Variants in MYO5A observed in about 807,000 individuals in gnomAD.
MYO5A encodes unconventional myosin-Va.
Under a neutral mutation model 249.7 loss-of-function variants are expected in MYO5A, and 98 were observed. The observed-to-expected ratio is 0.39, with a 90% confidence interval of 0.33 to 0.46. The LOEUF (loss-of-function observed/expected upper bound fraction) is 0.46. Among genes scored for constraint, MYO5A ranks in the 20% least tolerant of loss-of-function variants. MYO5A has a pLI of 0.98. For synonymous variants in MYO5A, 778 were observed against 810.6 expected (o/e 0.96, Z 0.68); for missense variants, 1,696 against 2,308.8 (o/e 0.73, Z 5.44).
intron 34 of MYO5A, among the ~76,000 whole-genome samples, chr15:52,334,379 T>C (rs1184576928): frequency 2.0e-5 from 3 of 152,212 alleles, no homozygotes; most frequent in East Asian, 1.9e-4. Flanking sequence ...CATCTCATGA[T>C]ATAATTGGTG....
chr15:52,317,261 G>T (rs1225202718), intron 39 of MYO5A, 39 bp from the exon 40 acceptor site: 1 of 1,600,300 alleles, frequency 6.2e-7, no homozygotes, highest in Admixed American at 1.7e-5. Context: ...CAAATTTGCT[G>T]AATTTTGTCA....
rs145509339 is a variant in MYO5A, at chr15:52,435,682, T to C, written c.28-2397A>G. The C allele has an allele frequency of 1.6e-3, 747 of 455,230 alleles. 11 individuals carry two copies. Among genetic ancestry groups the C allele is most frequent in the African/African-American group, 0.014 (700 of 50,096 alleles). 28.2% of individuals were successfully genotyped at this position (455,230 alleles called of 1,614,324 possible). ...CTACTAGATTTCATGGCTGGTAAAA[T>C]TTTTTACTTAAAGTTTGGGGACTGA... is the stretch of plus-strand genomic sequence containing the variant. On this transcript the variant is annotated intron_variant, in intron 1 of 41. Transcript: ENST00000399233.
At chr15:52,381,782 TCA>T (rs1555438778) in intron 16 of MYO5A, among the ~76,000 whole-genome samples, 1,707 of 137,780 alleles carry the variant, frequency 0.012, 32 homozygotes, top group African/African-American at 0.042. Flanking sequence ...TCTCTCTCTC[TCA>T]CACACACACA....
chr15:52,519,367 CTT>C (rs888202387), intron 1 of MYO5A, among the ~76,000 whole-genome samples: 2 of 152,142 alleles, frequency 1.3e-5, no homozygotes, highest in Admixed American at 1.3e-4. Context: ...AATCTCAGCA[CTT>C]TTGGGATAAT....
intron 4 of MYO5A, 37 bp downstream of exon 4, chr15:52,425,793 T>C (rs766334502): frequency 6.2e-7 from 1 of 1,607,650 alleles, no homozygotes; most frequent in Non-Finnish European, 8.5e-7. Flanking sequence ...TCATATCTAA[T>C]AACTGCCATA....
intron 1 of MYO5A, chr15:52,438,181 A>G (rs369130695): frequency 1.9e-5 from 7 of 369,294 alleles, no homozygotes; most frequent in African/African-American, 1.6e-4. Flanking sequence ...TACTGCTTTC[A>G]TCACTTCCAA....
At chr15:52,438,241 T>C (rs1490533394) in intron 1 of MYO5A, among the ~76,000 whole-genome samples, 3 of 152,046 alleles carry the variant, frequency 2.0e-5, no homozygotes, top group Non-Finnish European at 4.4e-5. Flanking sequence ...GGAATAGAAC[T>C]AAACTTGTCC....
intron 1 of MYO5A, among the ~76,000 whole-genome samples, chr15:52,506,099 C>A (rs2077264629): frequency 6.6e-6 from 1 of 152,060 alleles, no homozygotes; most frequent in Non-Finnish European, 1.5e-5. Context: ...TGCCTGTAAT[C>A]CCAGCACTTT....
At chr15:52,474,107 T>G (rs2076537677) in intron 1 of MYO5A, among the ~76,000 whole-genome samples, 1 of 152,226 alleles carries the variant, frequency 6.6e-6, no homozygotes, top group African/African-American at 2.4e-5. Flanking sequence ...GTCCTTCATG[T>G]CCCTTGTAAG....
At chr15:52,490,570 G>T (rs746603895) in intron 1 of MYO5A, among the ~76,000 whole-genome samples, 1 of 152,194 alleles carries the variant, frequency 6.6e-6, no homozygotes, top group South Asian at 2.1e-4. Flanking sequence ...AGGGTACCTA[G>T]AGTAGTCAGA....
chr15:52,492,676 A>G (rs1330683445), intron 1 of MYO5A, among the ~76,000 whole-genome samples: 1 of 152,212 alleles, frequency 6.6e-6, no homozygotes, highest in South Asian at 2.1e-4. Context: ...AAGGACAGCA[A>G]TCAGGCCTGC....
At chr15:52,333,489 A>T (rs1567027609) in intron 34 of MYO5A, among the ~76,000 whole-genome samples, 1 of 152,120 alleles carries the variant, frequency 6.6e-6, no homozygotes, top group African/African-American at 2.4e-5. Context: ...CTGCCATCTC[A>T]CCTGCTGCAA....
rs189466396 is a variant in MYO5A, at chr15:52,438,005, G to A, written c.28-4720C>T. ...TGAGGAAAGCATCCAAGGAGAAATA[G>A]GTCAGAAACCATTCTATTATTACCA... is the stretch of plus-strand genomic sequence containing the variant. On this transcript the variant is annotated intron_variant, in intron 1 of 41. Coordinates refer to ENST00000399233, the MANE Select transcript of MYO5A (RefSeq NM_001382347.1). 3.8e-5 allele frequency: 37 copies of A among 981,902 alleles called. No homozygotes were observed. In the East Asian group the frequency reaches 3.9e-3, roughly 103 times the overall value. The allele number at this position is 981,902 out of a possible 1,614,324, so 60.8% of individuals were successfully genotyped here.
intron 11 of MYO5A, among the ~76,000 whole-genome samples, chr15:52,395,225 C>G (rs1352347958): frequency 6.6e-6 from 1 of 152,104 alleles, no homozygotes; most frequent in Non-Finnish European, 1.5e-5. Context: ...TATGAAACAC[C>G]TAGTGATTTC....
At position 52,504,051 on chromosome 15, in the gene MYO5A, C is replaced by T. The variant is rs112657386; in HGVS notation, c.27+24729G>A. On this transcript the variant is annotated intron_variant, in intron 1 of 41. Coordinates refer to ENST00000399233, the MANE Select transcript of MYO5A (RefSeq NM_001382347.1). ...TCAAAGGCTGTTGCTGCTGTTTCTCCTTCTTTTTTTTTTTTTTTTTTTGCC... is the reference window on the plus strand; with the variant it reads ...TCAAAGGCTGTTGCTGCTGTTTCTCTTTCTTTTTTTTTTTTTTTTTTTGCC... Among the ~76,000 whole-genome samples the T allele has an allele frequency of 3.9e-3, 181 of 46,924 alleles. 3 individuals are homozygous for T. Among genetic ancestry groups the T allele is most frequent in the Non-Finnish European group, 7.3e-3 (141 of 19,296 alleles). The allele number at this position is 46,924 out of a possible 152,430, so 30.8% of individuals were successfully genotyped here. A position where few individuals can be genotyped will look rare whatever the true frequency, so the allele number is the denominator to read the frequency against.
chr15:52,528,193 C>A (rs1325097217), intron 1 of MYO5A, among the ~76,000 whole-genome samples: 1 of 152,182 alleles, frequency 6.6e-6, no homozygotes, highest in East Asian at 1.9e-4. Flanking sequence ...ACCCTCCCAG[C>A]CGGTGAATCA....
chr15:52,464,175 C>A (rs1358955168), intron 1 of MYO5A, among the ~76,000 whole-genome samples: 1 of 152,174 alleles, frequency 6.6e-6, no homozygotes, highest in Non-Finnish European at 1.5e-5. Flanking sequence ...CCAGCCCAAC[C>A]CCAGGCCAAA....
At chr15:52,331,696 T>C (rs2038895988) in intron 34 of MYO5A, 1 of 985,436 alleles carries the variant, frequency 1.0e-6, no homozygotes, top group Non-Finnish European at 1.2e-6. Flanking sequence ...AGAACATCAG[T>C]ACCTGCCAGT....
At chr15:52,431,663 T>C (rs959272889) in intron 2 of MYO5A, among the ~76,000 whole-genome samples, 1 of 137,564 alleles carries the variant, frequency 7.3e-6, no homozygotes, top group Admixed American at 8.0e-5. Context: ...TATCTTAGGG[T>C]ACCAGGAGAA....
Sources: gnomAD v4.1 joint callset for allele counts (sites outside exome capture counted in the v4.1 genomes callset) on GRCh38, gnomAD v4.1.1 for gene constraint, MANE v1.5 for transcripts, NCBI Gene and HGNC (gene_info 2026-07-23, HGNC 2026-07-21) for gene names.